Variants in LARGE1 observed in about 807,000 individuals in gnomAD.
The protein encoded by LARGE1 is LARGE xylosyl- and glucuronyltransferase 1.
In LARGE1, 43 loss-of-function variants were observed where a neutral mutation model predicts 87.6. The ratio of observed to expected loss-of-function variants is 0.49; its 90% CI spans 0.38 to 0.63. The LOEUF is 0.63. Among genes scored for constraint, LARGE1 ranks in the 30% least tolerant of loss-of-function variants. The pLI is 0.00. For missense variants in LARGE1, 802 were observed against 1,000.2 expected (o/e 0.80, Z 2.67); for synonymous variants, 434 against 394.6 (o/e 1.10, Z -1.18).
chr22:33,223,688 T>G (rs571372280), intron 11 of LARGE1, among the ~76,000 whole-genome samples: 39 of 152,322 alleles, frequency 2.6e-4, no homozygotes, highest in African/African-American at 9.4e-4. Flanking sequence ...GGTCACCTAC[T>G]GGATTAGGCT....
At chr22:33,282,351 CAAACAAACA>C (rs1423424006) in intron 13 of LARGE1, among the ~76,000 whole-genome samples, 1 of 132,618 alleles carries the variant, frequency 7.5e-6, no homozygotes, top group Non-Finnish European at 1.7e-5. Context: ...GTCTCAAAAA[CAAACAAACA>C]AAACAAACAA....
At chr22:33,438,995 G>A (rs1338953385) in intron 6 of LARGE1, among the ~76,000 whole-genome samples, 1 of 152,100 alleles carries the variant, frequency 6.6e-6, no homozygotes, top group African/African-American at 2.4e-5. Context: ...TGGATCACTT[G>A]AAGTCAGGAG....
chr22:33,347,553 A>C (rs773028717), intron 9 of LARGE1, among the ~76,000 whole-genome samples: 12 of 152,098 alleles, frequency 7.9e-5, no homozygotes, highest in Non-Finnish European at 1.6e-4. Context: ...TTTTTTCTTG[A>C]AGGAGTTTAA....
At chr22:33,433,103 G>C (rs1255606321) in intron 6 of LARGE1, among the ~76,000 whole-genome samples, 1 of 152,090 alleles carries the variant, frequency 6.6e-6, no homozygotes, top group Non-Finnish European at 1.5e-5. Context: ...GCCTTCTCTT[G>C]CAATTATTAC....
chr22:33,552,819 A>G (rs2077570163), intron 6 of LARGE1, among the ~76,000 whole-genome samples: 1 of 152,228 alleles, frequency 6.6e-6, no homozygotes, highest in Non-Finnish European at 1.5e-5. Context: ...AAAGTCCTGT[A>G]TCATAGAACT....
intron 9 of LARGE1, among the ~76,000 whole-genome samples, chr22:33,373,046 TA>T (rs1321928808): frequency 6.6e-6 from 1 of 152,126 alleles, no homozygotes; most frequent in African/African-American, 2.4e-5. Flanking sequence ...AAAGAGAAAG[TA>T]AAGGACAAAG....
chr22:33,433,607 C>CAAAAAAAAAAAAAAAA (rs57605083), intron 6 of LARGE1, among the ~76,000 whole-genome samples: 22 of 88,258 alleles, frequency 2.5e-4, no homozygotes, highest in Non-Finnish European at 2.9e-4. Context: ...AAAAACAAAA[C>CAAAAAAAAAAAAAAAA]AAAAAAAAAA....
At chr22:33,153,872 C>T in the LARGE1 span, among the ~76,000 whole-genome samples, 4 of 152,268 alleles carry the variant, frequency 2.6e-5, no homozygotes, top group East Asian at 3.9e-4. Context: ...AGGGGACTGG[C>T]GGTCCCAAAT....
chr22:33,841,001 G>GT (rs2063266300), intron 1 of LARGE1, among the ~76,000 whole-genome samples: 2 of 152,104 alleles, frequency 1.3e-5, no homozygotes, highest in African/African-American at 4.8e-5. Context: ...TAACCATTCT[G>GT]TTTTTCATTT....
At chr22:33,227,485 A>G (rs548957256) in intron 11 of LARGE1, among the ~76,000 whole-genome samples, 1 of 152,232 alleles carries the variant, frequency 6.6e-6, no homozygotes, top group Non-Finnish European at 1.5e-5. Context: ...TTAGTCTTCA[A>G]AACAGCCCTA....
intron 7 of LARGE1, among the ~76,000 whole-genome samples, chr22:33,428,650 C>A (rs1047003215): frequency 1.4e-5 from 2 of 145,646 alleles, no homozygotes; most frequent in Admixed American, 6.8e-5. Flanking sequence ...CTGCTGGGCA[C>A]GGTGGCTCAT....
intron 9 of LARGE1, 144 bp downstream of exon 9, chr22:33,381,775 G>C: frequency 8.7e-7 from 1 of 1,147,702 alleles, no homozygotes. Context: ...ACCCCACAAA[G>C]ATGAAAAGCA....
At chr22:33,347,911 T>C (rs1939938758) in intron 9 of LARGE1, among the ~76,000 whole-genome samples, 1 of 152,218 alleles carries the variant, frequency 6.6e-6, no homozygotes, top group Non-Finnish European at 1.5e-5. Flanking sequence ...AAAAGACATC[T>C]GGTTTAGACT....
At chr22:33,186,271 C>T (rs1033793105) in intron 11 of LARGE1, among the ~76,000 whole-genome samples, 41 of 152,080 alleles carry the variant, frequency 2.7e-4, no homozygotes, top group African/African-American at 8.9e-4. Context: ...AAAAAATCAC[C>T]AAATGTTAGC....
chr22:33,832,247 C>A (rs1045610245), intron 1 of LARGE1, among the ~76,000 whole-genome samples: 1 of 152,178 alleles, frequency 6.6e-6, no homozygotes, highest in South Asian at 2.1e-4. Flanking sequence ...AACCAGAAGA[C>A]AGCACACAGC....
At chr22:33,234,373 A>G (rs1424530779) in intron 11 of LARGE1, among the ~76,000 whole-genome samples, 3 of 152,210 alleles carry the variant, frequency 2.0e-5, no homozygotes, top group Non-Finnish European at 4.4e-5. Flanking sequence ...GGAAGGAAGG[A>G]ACAATCCTAC....
intron 1 of LARGE1, among the ~76,000 whole-genome samples, chr22:33,819,841 A>G (rs4821185): frequency 0.05 from 7,612 of 152,290 alleles, 269 homozygotes; most frequent in South Asian, 0.21. Context: ...TGTTCACCAA[A>G]GCCTGGGCAC....
At chr22:33,295,059 C>T (rs904361457) in intron 12 of LARGE1, among the ~76,000 whole-genome samples, 1 of 152,194 alleles carries the variant, frequency 6.6e-6, no homozygotes, top group African/African-American at 2.4e-5. Flanking sequence ...TAGCACAGCA[C>T]CTGCCACGAG....
At chr22:33,329,232 T>C (rs1164823613) in intron 10 of LARGE1, among the ~76,000 whole-genome samples, 1 of 152,206 alleles carries the variant, frequency 6.6e-6, no homozygotes, top group Non-Finnish European at 1.5e-5. Context: ...CAATTAGTGA[T>C]GTCTGCTGTG....
Sources: allele counts gnomAD v4.1 joint callset (sites outside exome capture counted in the v4.1 genomes callset), GRCh38; gene constraint gnomAD v4.1.1; transcripts MANE v1.5; gene names NCBI Gene and HGNC (gene_info 2026-07-23, HGNC 2026-07-21).